Variants in STIM1 observed in about 807,000 individuals in gnomAD.
The protein encoded by STIM1 is stromal interaction molecule 1.
In STIM1, 25 loss-of-function variants were observed where a neutral mutation model predicts 74.7. The observed-to-expected ratio is 0.33, with a 90% CI of 0.24 to 0.47. STIM1 has a LOEUF of 0.47. STIM1 is among the 20% of genes least tolerant of loss of function. The pLI is 1.00. For synonymous variants in STIM1, 328 were observed against 348.8 expected (o/e 0.94, Z 0.66); for missense variants, 728 against 920.8 (o/e 0.79, Z 2.71).
rs143649229 is a variant in STIM1, at chr11:3,875,841, C to A, written c.139+19432C>A. 9.1e-3 allele frequency among the ~76,000 whole-genome samples: 1,381 copies of A among 152,054 alleles called. 17 individuals carry two copies. Among genetic ancestry groups the A allele is most frequent in the Middle Eastern group, 0.031 (9 of 292 alleles). On this transcript the variant is annotated intron_variant, in intron 1 of 12. Coordinates refer to ENST00000526596, the MANE Select transcript of STIM1 (RefSeq NM_001382567.1). Reference sequence around the variant, plus strand: ...ATATTAATAATCAAAATAAATACTGCAATAGGATGAAACATGCATTTTTGC... The same window carrying A: ...ATATTAATAATCAAAATAAATACTGAAATAGGATGAAACATGCATTTTTGC...
chr11:4,063,494 C>T (rs747031748), intron 5 of STIM1, among the ~76,000 whole-genome samples: 5 of 152,086 alleles, frequency 3.3e-5, no homozygotes, highest in African/African-American at 4.8e-5. Flanking sequence ...AATTAAGGCA[C>T]GCACACTGTA....
intron 3 of STIM1, among the ~76,000 whole-genome samples, chr11:4,037,145 T>A (rs749336080): frequency 4.0e-5 from 6 of 151,852 alleles, no homozygotes; most frequent in Non-Finnish European, 8.8e-5. Context: ...AACCTCCGCC[T>A]CCTGGGTTCA....
intron 1 of STIM1, among the ~76,000 whole-genome samples, chr11:3,896,356 T>A (rs377578758): frequency 1.3e-4 from 20 of 152,322 alleles, no homozygotes; most frequent in Admixed American, 2.6e-4. Context: ...ATTTTAATGT[T>A]AGGGAAGCTG....
intron 1 of STIM1, among the ~76,000 whole-genome samples, chr11:3,938,460 A>C (rs1404979510): frequency 6.6e-6 from 1 of 152,150 alleles, no homozygotes; most frequent in East Asian, 1.9e-4. Flanking sequence ...TTTATCATTA[A>C]AACAGGGCTC....
chr11:3,944,457 G>A (rs957899251), intron 1 of STIM1, among the ~76,000 whole-genome samples: 1 of 152,208 alleles, frequency 6.6e-6, no homozygotes, highest in Non-Finnish European at 1.5e-5. Flanking sequence ...CTGTGCCTGT[G>A]TAGTGGGAGT....
intron 1 of STIM1, among the ~76,000 whole-genome samples, chr11:3,940,349 A>G (rs987472055): frequency 1.3e-4 from 20 of 152,360 alleles, no homozygotes; most frequent in Non-Finnish European, 1.8e-4. Flanking sequence ...TTTAAATAAA[A>G]TGCAAAATCA....
intron 2 of STIM1, among the ~76,000 whole-genome samples, chr11:3,996,949 G>A (rs1190399329): frequency 6.6e-6 from 1 of 152,092 alleles, no homozygotes; most frequent in African/African-American, 2.4e-5. Context: ...CTTTCCTCTG[G>A]GGAAATATTT....
At chr11:3,923,648 A>G (rs1008699999) in intron 1 of STIM1, among the ~76,000 whole-genome samples, 9 of 150,720 alleles carry the variant, frequency 6.0e-5, no homozygotes, top group Non-Finnish European at 1.0e-4. Context: ...CTACTGTACC[A>G]TAAGTGTTAC....
At chr11:3,974,079 A>G in intron 2 of STIM1, 1 of 704,078 alleles carries the variant, frequency 1.4e-6, no homozygotes. Context: ...AAGCCCCTGG[A>G]GCACTTGGTA....
intron 1 of STIM1, among the ~76,000 whole-genome samples, chr11:3,914,141 T>A (rs2092607275): frequency 6.6e-6 from 1 of 152,186 alleles, no homozygotes; most frequent in Non-Finnish European, 1.5e-5. Context: ...TCCTCCCTCC[T>A]GCTAGCCTTT....
At chr11:4,018,622 G>T (rs538449383) in intron 2 of STIM1, among the ~76,000 whole-genome samples, 71 of 142,660 alleles carry the variant, frequency 5.0e-4, no homozygotes, top group African/African-American at 2.0e-3. Flanking sequence ...TCCAGCCTGG[G>T]CAATAAGAAT....
chr11:3,948,446 G>A (rs2093106081), intron 1 of STIM1, among the ~76,000 whole-genome samples: 2 of 151,922 alleles, frequency 1.3e-5, no homozygotes, highest in Non-Finnish European at 2.9e-5. Flanking sequence ...GAATCTGTAG[G>A]CTATGTAGTT....
intron 1 of STIM1, among the ~76,000 whole-genome samples, chr11:3,915,543 G>T (rs997878002): frequency 6.6e-6 from 1 of 151,588 alleles, no homozygotes; most frequent in African/African-American, 2.4e-5. Flanking sequence ...GACTACAGGC[G>T]CCCACCAACA....
chr11:4,067,587 A>C (rs2094376256), intron 5 of STIM1, among the ~76,000 whole-genome samples: 1 of 152,228 alleles, frequency 6.6e-6, no homozygotes, highest in Admixed American at 6.5e-5. Flanking sequence ...GTGTAGCAGA[A>C]AGACAATGTA....
At chr11:4,039,907 G>C (rs1026761621) in intron 3 of STIM1, among the ~76,000 whole-genome samples, 12 of 151,818 alleles carry the variant, frequency 7.9e-5, no homozygotes, top group Non-Finnish European at 4.4e-5. Context: ...AGCTGGGTTT[G>C]CAGGTGCCCA....
intron 1 of STIM1, among the ~76,000 whole-genome samples, chr11:3,862,961 C>A (rs141209236): frequency 6.6e-6 from 1 of 152,134 alleles, no homozygotes; most frequent in Admixed American, 6.5e-5. Flanking sequence ...GGCGCCATCT[C>A]GGCTCACTGC....
chr11:3,872,888 T>G (rs2091162277), intron 1 of STIM1, among the ~76,000 whole-genome samples: 1 of 152,098 alleles, frequency 6.6e-6, no homozygotes, highest in East Asian at 1.9e-4. Context: ...ATTCTCAAAG[T>G]CACTTCCATT....
chr11:3,948,045 C>T (rs2093100838), intron 1 of STIM1, among the ~76,000 whole-genome samples: 1 of 152,080 alleles, frequency 6.6e-6, no homozygotes, highest in Admixed American at 6.6e-5. Context: ...AGCTAACAGG[C>T]CACATGAGAA....
At chr11:3,971,325 T>C (rs1383529567) in intron 2 of STIM1, among the ~76,000 whole-genome samples, 4 of 151,172 alleles carry the variant, frequency 2.6e-5, no homozygotes, top group Admixed American at 1.3e-4. Context: ...GTCAGGAGAT[T>C]GAGACCATCC....
Sources: gnomAD v4.1 joint callset for allele counts (sites outside exome capture counted in the v4.1 genomes callset) on GRCh38, gnomAD v4.1.1 for gene constraint, MANE v1.5 for transcripts, NCBI Gene and HGNC (gene_info 2026-07-23, HGNC 2026-07-21) for gene names.